The following SCUBE1 variants were observed in gnomAD, a reference collection of about 807,000 sequenced individuals.
SCUBE1 encodes signal peptide, CUB and EGF-like domain-containing protein 1.
SCUBE1 carries 59 observed loss-of-function variants against 124.4 expected under a neutral mutation model. The ratio of observed to expected loss-of-function variants is 0.47; its 90% CI spans 0.38 to 0.59. The LOEUF is 0.59. Among genes scored for constraint, SCUBE1 ranks in the 20% least tolerant of loss-of-function variants. The pLI is 0.00. For synonymous variants in SCUBE1, 545 were observed against 550.9 expected (o/e 0.99, Z 0.15); for missense variants, 1,150 against 1,371.2 (o/e 0.84, Z 2.55).
At chr22:43,224,257 C>T (rs1029975086) in intron 10 of SCUBE1, among the ~76,000 whole-genome samples, 3 of 152,216 alleles carry the variant, frequency 2.0e-5, no homozygotes, top group Admixed American at 2.0e-4. Context: ...TGCGAGGGCA[C>T]CGTGTGACAA....
At chr22:43,215,739 G>C (rs1032225146) in intron 15 of SCUBE1, among the ~76,000 whole-genome samples, 1 of 152,166 alleles carries the variant, frequency 6.6e-6, no homozygotes, top group African/African-American at 2.4e-5. Context: ...GGGGAGAAGC[G>C]GCTCCAGACT....
chr22:43,198,733 G>A lies in SCUBE1; in HGVS notation c.*5264C>T, dbSNP rs1457290988. On this transcript the variant is annotated 3_prime_UTR_variant, in exon 22 of 22. Transcript: ENST00000360835. ...AGGTGAAAATGGCTGGACTCCCTGG[G>A]TGAGAAGGAAGGCTTCTCCCTGTGG... The A allele has an allele frequency of 1.5e-5, 7 of 456,612 alleles. No individual in the cohort carries two copies. In the East Asian group the frequency reaches 4.9e-4, roughly 32 times the overall value. 28.3% of individuals were successfully genotyped at this position (456,612 alleles called of 1,614,324 possible).
intron 4 of SCUBE1, among the ~76,000 whole-genome samples, chr22:43,277,486 C>T (rs1219572545): frequency 1.3e-5 from 2 of 152,192 alleles, no homozygotes; most frequent in East Asian, 3.9e-4. Flanking sequence ...CCTTGTGTCA[C>T]AGGGCATCTG....
intron 11 of SCUBE1, 147 bp from the exon 12 acceptor site, chr22:43,222,889 G>A: frequency 1.1e-6 from 1 of 937,566 alleles, no homozygotes; most frequent in Non-Finnish European, 1.6e-6. Flanking sequence ...ACAGGGAAGT[G>A]GCCAGGAGGA....
intron 10 of SCUBE1, among the ~76,000 whole-genome samples, chr22:43,223,459 T>A (rs549894435): frequency 6.6e-6 from 1 of 152,282 alleles, no homozygotes; most frequent in African/African-American, 2.4e-5. Context: ...AGAAGGTTCA[T>A]GTCCCCATCC....
chr22:43,217,396 G>A (rs182697257), intron 15 of SCUBE1, among the ~76,000 whole-genome samples: 6 of 150,052 alleles, frequency 4.0e-5, no homozygotes, highest in East Asian at 2.0e-4. Context: ...GGATTTGGCC[G>A]GCGTCAGGAA....
intron 4 of SCUBE1, among the ~76,000 whole-genome samples, chr22:43,275,156 G>T (rs1175587020): frequency 7.2e-5 from 11 of 152,204 alleles, no homozygotes; most frequent in Admixed American, 7.2e-4. Context: ...CAGAGGCCTG[G>T]GGAGTGAGGC....
At chr22:43,279,746 G>A (rs892339861) in intron 4 of SCUBE1, among the ~76,000 whole-genome samples, 1 of 152,184 alleles carries the variant, frequency 6.6e-6, no homozygotes, top group African/African-American at 2.4e-5. Flanking sequence ...TGTCTGGTCG[G>A]GACCTGCCTC....
At chr22:43,253,289 AT>A (rs1601831282) in intron 6 of SCUBE1, among the ~76,000 whole-genome samples, 1 of 152,348 alleles carries the variant, frequency 6.6e-6, no homozygotes, top group East Asian at 1.9e-4. Context: ...GCTAAGAATG[AT>A]GAGCTCGTGA....
At chr22:43,238,527 A>G (rs1601819944) in intron 7 of SCUBE1, 1 of 590,050 alleles carries the variant, frequency 1.7e-6, no homozygotes, top group East Asian at 2.8e-5. Context: ...GTCCCACAGT[A>G]GAGACGCTGG....
Position 43,321,210 on chromosome 22 carries a change from A to T in SCUBE1, c.221-1145T>A, listed in dbSNP as rs187445603. The stretch of plus-strand genomic sequence containing the variant: ...CTATAGTGTAGAAGAGGGATTTTTG[A>T]GGCTGGGTTCCAGCTACGAAAGTGG... On this transcript the variant is annotated intron_variant, in intron 2 of 21. Coordinates refer to ENST00000360835, the MANE Select transcript of SCUBE1 (RefSeq NM_173050.5). Among the ~76,000 whole-genome samples the T allele has an allele frequency of 2.1e-3, 323 of 152,260 alleles. 1 individual carries two copies. Among genetic ancestry groups the T allele is most frequent in the African/African-American group, 7.4e-3 (309 of 41,544 alleles).
In SCUBE1 at chr22:43,231,768, C is replaced by T. The variant is rs371799429; in HGVS notation, c.952G>A (p.Glu318Lys). Residue 318 changes from glutamate to lysine, a missense_variant, in exon 8 of 22, where the codon GAG becomes AAG. Glu to Lys is a moderately conservative substitution (Grantham distance 56). Around this residue, in one of 3 missense-constraint regions of SCUBE1, gnomAD observed 337 missense variants for 482.1 expected, o/e 0.70. Transcript: ENST00000360835. Reference sequence around the variant, plus strand: ...AGGGGCTCACCCTGGCAGGTGCGCTCGTCGGTGAGCAGCTTGTAGCCCTTC... The same window carrying T: ...AGGGGCTCACCCTGGCAGGTGCGCTTGTCGGTGAGCAGCTTGTAGCCCTTC... ...CRKGYKLLTD[E>K]RTCQDIDECS... The T allele has an allele frequency of 5.0e-6, 8 of 1,594,956 alleles. No individual in the cohort carries two copies. Among genetic ancestry groups the T allele is most frequent in the East Asian group, 4.6e-5 (2 of 43,618 alleles).
intron 4 of SCUBE1, among the ~76,000 whole-genome samples, chr22:43,288,755 G>A (rs891814824): frequency 3.9e-5 from 6 of 152,118 alleles, no homozygotes; most frequent in Non-Finnish European, 5.9e-5. Context: ...CCCTAACTTC[G>A]CTGGGCTTCG....
chr22:43,314,677 G>A (rs1048417292), intron 3 of SCUBE1, among the ~76,000 whole-genome samples: 5 of 152,146 alleles, frequency 3.3e-5, no homozygotes, highest in African/African-American at 1.2e-4. Context: ...AGGGTAAATG[G>A]CCAAAGCTTG....
chr22:43,314,344 C>A (rs11090150), intron 3 of SCUBE1, among the ~76,000 whole-genome samples: 1 of 151,944 alleles, frequency 6.6e-6, no homozygotes, highest in East Asian at 1.9e-4. Flanking sequence ...GTACACACCC[C>A]CTCTGAAGCA....
chr22:43,235,300 G>T (rs1376457536), intron 7 of SCUBE1, among the ~76,000 whole-genome samples: 1 of 152,098 alleles, frequency 6.6e-6, no homozygotes, highest in African/African-American at 2.4e-5. Flanking sequence ...GTGAGCTATA[G>T]GGACGCACAG....
chr22:43,255,443 C>T lies in SCUBE1; in HGVS notation c.727+2776G>A. ...CCCGAGACACACATGTGCACACACA[C>T]ACACAAGTGCAAGTACGACAAAGGA... On this transcript the variant is annotated intron_variant, in intron 6 of 21. Transcript: ENST00000360835. This position sits in a 1 kb window ranked among gnomAD's most constrained non-coding sequence, Gnocchi z 4.7. The T allele has an allele frequency of 6.7e-7, 1 of 1,492,744 alleles. No homozygotes were observed. Among genetic ancestry groups the T allele is most frequent in the Non-Finnish European group, 9.1e-7 (1 of 1,094,374 alleles). 92.5% of individuals were successfully genotyped at this position (1,492,744 alleles called of 1,614,324 possible). A position where few individuals can be genotyped will look rare whatever the true frequency, so the allele number is the denominator to read the frequency against.
intron 7 of SCUBE1, chr22:43,238,593 C>T: frequency 1.6e-6 from 1 of 611,846 alleles, no homozygotes; most frequent in Non-Finnish European, 3.0e-6. Context: ...GCCTTTTTGG[C>T]CCAGGAACCT....
chr22:43,251,092 C>T (rs1319135470), intron 6 of SCUBE1, among the ~76,000 whole-genome samples: 1 of 152,176 alleles, frequency 6.6e-6, no homozygotes, highest in Non-Finnish European at 1.5e-5. Flanking sequence ...AAGTCCCTTG[C>T]AAACTCTAGA....
Sources: gnomAD v4.1 joint callset for allele counts (sites outside exome capture counted in the v4.1 genomes callset) on GRCh38, gnomAD v4.1.1 for gene constraint, gnomAD v4.1.1 regional missense constraint, Gnocchi (gnomAD v3.1) non-coding constraint, MANE v1.5 for transcripts, NCBI Gene and HGNC (gene_info 2026-07-23, HGNC 2026-07-21) for gene names.